Variants in ITPR1 observed in about 807,000 individuals in gnomAD.
The protein encoded by ITPR1 is inositol 1,4,5-trisphosphate-gated calcium channel ITPR1.
ITPR1 carries 96 observed loss-of-function variants against 318.4 expected under a neutral mutation model. That is an observed-to-expected ratio of 0.30 (90% CI 0.26 to 0.36). The LOEUF (loss-of-function observed/expected upper bound fraction) is 0.36, where lower values mean the gene tolerates loss of function less well. Ranked by LOEUF, ITPR1 falls within the 10% of genes least tolerant of loss-of-function variation. The pLI is 1.00. For synonymous variants in ITPR1, 1,312 were observed against 1,289.9 expected, an observed-to-expected ratio of 1.02 and a Z score of -0.37; for missense variants, 2,440 against 3,460.2, an observed-to-expected ratio of 0.71 and a Z score of 7.40.
chr3:4,687,948 C>T (rs13059394), intron 30 of ITPR1, among the ~76,000 whole-genome samples: 58,947 of 151,982 alleles, frequency 0.39, 13,116 homozygotes, highest in Non-Finnish European at 0.52. Flanking sequence ...TCTAATAGGT[C>T]GGACAACTTA....
chr3:4,751,762 G>A (rs1260895833), intron 44 of ITPR1, among the ~76,000 whole-genome samples: 1 of 152,150 alleles, frequency 6.6e-6, no homozygotes, highest in Non-Finnish European at 1.5e-5. Flanking sequence ...AAATCTTCCA[G>A]CAGAGTTAAC....
At chr3:4,556,121 A>G (rs1397722309) in intron 4 of ITPR1, among the ~76,000 whole-genome samples, 1 of 152,196 alleles carries the variant, frequency 6.6e-6, no homozygotes, top group Non-Finnish European at 1.5e-5. Flanking sequence ...AAACTTTATT[A>G]TTATTATTGT....
At chr3:4,814,655 C>A in intron 58 of ITPR1, 93 bp downstream of exon 58, 3 of 1,173,796 alleles carry the variant, frequency 2.6e-6, no homozygotes, top group Admixed American at 2.2e-5. Context: ...AAACTGAAGA[C>A]GCAGAGGAAG....
chr3:4,575,097 A>G (rs1409025016), intron 4 of ITPR1, among the ~76,000 whole-genome samples: 1 of 152,240 alleles, frequency 6.6e-6, no homozygotes, highest in Non-Finnish European at 1.5e-5. Flanking sequence ...GTTATATTTT[A>G]GTGAAAAAGA....
At chr3:4,570,591 G>T (rs1033611508) in intron 4 of ITPR1, among the ~76,000 whole-genome samples, 5 of 152,110 alleles carry the variant, frequency 3.3e-5, no homozygotes, top group African/African-American at 1.2e-4. Context: ...GTATTATTTT[G>T]CTTATTTATA....
chr3:4,627,308 T>C, intron 4 of ITPR1, among the ~76,000 whole-genome samples: 1 of 151,964 alleles, frequency 6.6e-6, no homozygotes, highest in Non-Finnish European at 1.5e-5. Context: ...TACTAAAATA[T>C]AAAAAATTAG....
At chr3:4,625,945 A>G (rs2092811614) in intron 4 of ITPR1, among the ~76,000 whole-genome samples, 2 of 152,208 alleles carry the variant, frequency 1.3e-5, no homozygotes, top group African/African-American at 4.8e-5. Context: ...TGTCAATTTT[A>G]AATATTGGTT....
At chr3:4,736,143 A>C (rs2043248790) in intron 44 of ITPR1, among the ~76,000 whole-genome samples, 1 of 107,182 alleles carries the variant, frequency 9.3e-6, no homozygotes, top group African/African-American at 2.7e-5. Context: ...TCTGAATAAG[A>C]GTTTTTTTTT....
chr3:4,638,954 C>T (rs527369354), intron 5 of ITPR1, among the ~76,000 whole-genome samples: 12 of 152,262 alleles, frequency 7.9e-5, no homozygotes, highest in African/African-American at 2.9e-4. Flanking sequence ...TTAAATAACA[C>T]ATTCAAGTTC....
intron 49 of ITPR1, 31 bp from the exon 50 acceptor site, chr3:4,782,588 A>AG: frequency 6.3e-7 from 1 of 1,584,208 alleles, no homozygotes; most frequent in Non-Finnish European, 8.6e-7. Context: ...TCCTTGAAAC[A>AG]GGATTTTTGT....
At position 4,846,580 on chromosome 3, in the gene ITPR1, CTG is replaced by C. The variant is rs113825412; in HGVS notation, c.*358_*359del. 409 of 166,380 alleles carry C rather than the reference CTG, an allele frequency of 2.5e-3. 3 individuals are homozygous for C. The highest frequency in any genetic ancestry group is 8.9e-3 in the African/African-American group (374 of 42,024). 10.3% of individuals were successfully genotyped at this position (166,380 alleles called of 1,614,324 possible). On this transcript the variant is annotated 3_prime_UTR_variant, in exon 62 of 62. Transcript: ENST00000649015. ...GCCAGTATTTATGTTTTTTATAAAA[CTG>C]TGCAATACGAATTATGCAATCACAA... is the stretch of plus-strand genomic sequence containing the variant.
chr3:4,806,079 G>A (rs766313741), intron 54 of ITPR1, 24 bp from the exon 55 acceptor site: 2 of 1,604,428 alleles, frequency 1.2e-6, no homozygotes, highest in Non-Finnish European at 8.5e-7. Context: ...CGTGCCATCT[G>A]ACTGTTCCTG....
At chr3:4,506,356 G>A (rs2081391438) in intron 2 of ITPR1, among the ~76,000 whole-genome samples, 1 of 152,050 alleles carries the variant, frequency 6.6e-6, no homozygotes, top group Non-Finnish European at 1.5e-5. Flanking sequence ...CTTTGTACTA[G>A]CCGTTTACTC....
At position 4,550,375 on chromosome 3, in the gene ITPR1, G is replaced by A. The variant is rs570463622; in HGVS notation, c.163+29281G>A. On this transcript the variant is annotated intron_variant, in intron 4 of 61. Coordinates refer to ENST00000649015, the MANE Select transcript of ITPR1 (RefSeq NM_001378452.1). The stretch of plus-strand genomic sequence containing the variant: ...CTTGGTGACCGTCCAACCCACAGAC[G>A]CGCTGCCATCTACCTAACGGGGTCG... Among the ~76,000 whole-genome samples the A allele has an allele frequency of 1.8e-4, 27 of 152,278 alleles. 2 individuals are homozygous for A. Among genetic ancestry groups the A allele is most frequent in the Admixed American group, 8.5e-4 (13 of 15,298 alleles).
At chr3:4,751,144 A>G (rs138141041) in intron 44 of ITPR1, 128 of 152,732 alleles carry the variant, frequency 8.4e-4, no homozygotes, top group African/African-American at 2.9e-3. Flanking sequence ...GGGTGAAGCA[A>G]TGACGTCTCT....
chr3:4,587,501 G>C (rs9846866), intron 4 of ITPR1, among the ~76,000 whole-genome samples: 128,752 of 152,132 alleles, frequency 0.85, 54,594 homozygotes, highest in South Asian at 0.89. Flanking sequence ...AAACTCCTGA[G>C]CACAGGTGAT....
chr3:4,684,677 C>T (rs1052176997), intron 29 of ITPR1, among the ~76,000 whole-genome samples: 1 of 152,248 alleles, frequency 6.6e-6, no homozygotes, highest in Non-Finnish European at 1.5e-5. Context: ...GCCTGGTACA[C>T]AGTGTCCCCA....
At chr3:4,770,225 C>T (rs1458547895) in intron 46 of ITPR1, among the ~76,000 whole-genome samples, 1 of 152,190 alleles carries the variant, frequency 6.6e-6, no homozygotes, top group African/African-American at 2.4e-5. Context: ...GCCTGTCACA[C>T]CTCGATTGTG....
Position 4,652,704 on chromosome 3 carries a change from C to T in ITPR1, c.951+486C>T, listed in dbSNP as rs140193684. 2.8e-4 allele frequency among the ~76,000 whole-genome samples: 43 copies of T among 152,272 alleles called. 1 individual carries two copies. In the East Asian group the frequency reaches 5.2e-3, roughly 18 times the overall value. On this transcript the variant is annotated intron_variant, in intron 11 of 61. Coordinates refer to ENST00000649015, the MANE Select transcript of ITPR1 (RefSeq NM_001378452.1). ...TTACTTGTAGGAATGTCAAAAATCA[C>T]GGAAATTAACTTTACCTTAAATGTC...
Sources: gnomAD v4.1 joint callset for allele counts (sites outside exome capture counted in the v4.1 genomes callset) on GRCh38, gnomAD v4.1.1 for gene constraint, MANE v1.5 for transcripts, NCBI Gene and HGNC (gene_info 2026-07-23, HGNC 2026-07-21) for gene names.